Variants in PRPF18 observed in about 807,000 individuals in gnomAD.
The protein encoded by PRPF18 is pre-mRNA-splicing factor 18.
Under a neutral mutation model 46.5 loss-of-function variants are expected in PRPF18, and 38 were observed. That is an observed-to-expected ratio of 0.82 (90% CI 0.63 to 1.07). The LOEUF is 1.07. Ranked by LOEUF, PRPF18 falls within the 50% of genes least tolerant of loss-of-function variation. The pLI is 0.00. For missense variants in PRPF18, 263 were observed against 410.0 expected, an observed-to-expected ratio of 0.64 and a Z score of 3.10; for synonymous variants, 152 against 146.7, an observed-to-expected ratio of 1.04 and a Z score of -0.26.
At chr10:13,642,078 G>A in the PRPF18 span, 1 of 152,200 alleles carries the variant, frequency 6.6e-6, no homozygotes, top group Non-Finnish European at 1.5e-5. Context: ...CTGGGAGCAT[G>A]ACTTTGTGCA....
the PRPF18 span, chr10:13,638,076 C>T: frequency 1.3e-5 from 2 of 152,134 alleles, no homozygotes; most frequent in Non-Finnish European, 1.5e-5. Flanking sequence ...TAGGGTTGGT[C>T]GTATGACATG....
chr10:13,599,335 G>T (rs1479950770), intron 2 of PRPF18, among the ~76,000 whole-genome samples: 1 of 152,140 alleles, frequency 6.6e-6, no homozygotes, highest in Non-Finnish European at 1.5e-5. Flanking sequence ...ATAGAATCAT[G>T]AATTATGTAA....
chr10:13,605,613 ATC>A lies in PRPF18; in HGVS notation c.250-16_250-15del. ...AAAAAAAAAAAAAAATTTACTGGGT[ATC>A]TGTTTCACTTTGTAGGTCATCAGAA... is the stretch of plus-strand genomic sequence containing the variant. On this transcript the variant is annotated splice_polypyrimidine_tract_variant and intron_variant, in intron 3 of 9. Transcript: ENST00000378572. 1.3e-6 allele frequency: 2 copies of A among 1,486,730 alleles called. No homozygotes were observed. The highest frequency in any genetic ancestry group is 1.8e-6 in the Non-Finnish European group (2 of 1,100,310). 92.1% of individuals were successfully genotyped at this position (1,486,730 alleles called of 1,614,324 possible).
the PRPF18 span, chr10:13,654,552 G>A: frequency 7.5e-7 from 1 of 1,332,292 alleles, no homozygotes; most frequent in Non-Finnish European, 1.1e-6. Context: ...GAGCAGACAG[G>A]GATCAGACAC....
intron 2 of PRPF18, chr10:13,597,815 T>A: frequency 2.0e-6 from 1 of 489,476 alleles, no homozygotes; most frequent in Non-Finnish European, 3.4e-6. Flanking sequence ...TTTTTTTTAA[T>A]AAAGTCCTGA....
At chr10:13,609,199 G>T (rs180884072) in intron 4 of PRPF18, among the ~76,000 whole-genome samples, 123 of 152,284 alleles carry the variant, frequency 8.1e-4, no homozygotes, top group African/African-American at 2.9e-3. Context: ...GCTTACTTGC[G>T]TGACTTGATG....
the PRPF18 span, chr10:13,637,742 C>G: frequency 1.3e-5 from 2 of 152,298 alleles, no homozygotes; most frequent in East Asian, 3.9e-4. Flanking sequence ...ATATGTCAAG[C>G]TTAAATAACA....
chr10:13,591,252 C>T (rs1468327486), intron 1 of PRPF18, among the ~76,000 whole-genome samples: 1 of 152,188 alleles, frequency 6.6e-6, no homozygotes, highest in Non-Finnish European at 1.5e-5. Context: ...TTATATTTTT[C>T]ATCTTTCTGC....
chr10:13,596,303 G>A (rs1359936547), intron 1 of PRPF18, among the ~76,000 whole-genome samples: 4 of 152,154 alleles, frequency 2.6e-5, no homozygotes, highest in Non-Finnish European at 4.4e-5. Context: ...CTTCGTAGAC[G>A]ATGGCTGGGT....
At chr10:13,654,702 GC>G in the PRPF18 span, 953 of 590,238 alleles carry the variant, frequency 1.6e-3, 9 homozygotes, top group South Asian at 0.013. Flanking sequence ...ATCTCTACAT[GC>G]CCCCCCAACC....
intron 3 of PRPF18, among the ~76,000 whole-genome samples, chr10:13,605,005 G>C (rs911981789): frequency 1.8e-4 from 28 of 152,282 alleles, no homozygotes; most frequent in African/African-American, 6.3e-4. Context: ...TCTTTCTTTA[G>C]ACTTGAATTG....
At chr10:13,597,739 G>A (rs2080055914) in intron 2 of PRPF18, 1 of 1,392,264 alleles carries the variant, frequency 7.2e-7, no homozygotes, top group Middle Eastern at 2.1e-4. Flanking sequence ...ATGACTTTTG[G>A]CTTGGAATGG....
the PRPF18 span, among the ~76,000 whole-genome samples, chr10:13,650,422 GTGTATGTATTCGTGTATGTA>G: frequency 1.3e-5 from 2 of 150,128 alleles, no homozygotes; most frequent in Non-Finnish European, 2.9e-5. Context: ...GCATGAACTC[GTGTATGTATTCGTGTATGTA>G]TGTAGGTATT....
At chr10:13,593,348 A>G (rs937837410) in intron 1 of PRPF18, among the ~76,000 whole-genome samples, 26 of 152,184 alleles carry the variant, frequency 1.7e-4, no homozygotes, top group African/African-American at 6.3e-4. Flanking sequence ...GGAAGGAATG[A>G]GCAGTTAAAT....
At chr10:13,615,311 AAAGAACCAAG>A (rs768271251) in intron 8 of PRPF18, among the ~76,000 whole-genome samples, 1 of 152,240 alleles carries the variant, frequency 6.6e-6, no homozygotes, top group Non-Finnish European at 1.5e-5. Flanking sequence ...TAAACTACAG[AAAGAACCAAG>A]AAGCTTTAAT....
At chr10:13,611,430 C>A (rs187802958) in intron 5 of PRPF18, among the ~76,000 whole-genome samples, 185 bp from the exon 6 acceptor site, 95 of 152,278 alleles carry the variant, frequency 6.2e-4, no homozygotes, top group Middle Eastern at 3.4e-3. Flanking sequence ...AACATGCTCT[C>A]CAAATTTAAG....
At chr10:13,645,445 C>T in the PRPF18 span, 17 of 150,686 alleles carry the variant, frequency 1.1e-4, no homozygotes, top group African/African-American at 3.9e-4. Context: ...AATAACCCAA[C>T]TAAAGTCGTG....
intron 4 of PRPF18, among the ~76,000 whole-genome samples, chr10:13,607,080 G>A (rs1170323793): frequency 6.6e-6 from 1 of 152,084 alleles, no homozygotes; most frequent in Non-Finnish European, 1.5e-5. Flanking sequence ...GTCTGTTAAA[G>A]TCTTTCTTTC....
chr10:13,592,747 A>G (rs748317098), intron 1 of PRPF18, among the ~76,000 whole-genome samples: 19 of 152,226 alleles, frequency 1.2e-4, no homozygotes, highest in Non-Finnish European at 1.8e-4. Flanking sequence ...TAGAAACTCA[A>G]TGGGGAGTAA....
Sources: gnomAD v4.1 joint callset for allele counts (sites outside exome capture counted in the v4.1 genomes callset) on GRCh38, gnomAD v4.1.1 for gene constraint, MANE v1.5 for transcripts, NCBI Gene and HGNC (gene_info 2026-07-23, HGNC 2026-07-21) for gene names.